CPNE5: variants seen among roughly 807,000 people sequenced by gnomAD.
CPNE5 encodes the protein copine-5.
A neutral mutation model predicts 81.1 loss-of-function variants in CPNE5; 42 were observed. The observed-to-expected ratio is 0.52, with a 90% CI of 0.40 to 0.67. The LOEUF is 0.67. CPNE5 is among the 30% of genes least tolerant of loss of function. CPNE5 has a pLI of 0.00. For missense variants in CPNE5, 612 were observed against 815.5 expected (o/e 0.75, Z 3.04); for synonymous variants, 313 against 321.5 (o/e 0.97, Z 0.28).
chr6:36,774,128 A>C (rs1167432378), intron 10 of CPNE5, among the ~76,000 whole-genome samples: 1 of 151,576 alleles, frequency 6.6e-6, no homozygotes, highest in Non-Finnish European at 1.5e-5. Flanking sequence ...TCACACCTGT[A>C]ATCCCAGCAC....
At position 36,746,684 on chromosome 6, in the gene CPNE5, C is replaced by A; in HGVS notation, c.1019-107G>T. ...AGGGCACCCCTAACTTTTATTAATT[C>A]TTGACTCCTCTCTTTCTCTCATACC... On this transcript the variant is annotated intron_variant, in intron 15 of 20. Transcript: ENST00000244751. This position sits in a 1 kb window ranked among gnomAD's most constrained non-coding sequence, Gnocchi z 4.5. 3.2e-6 allele frequency: 3 copies of A among 926,284 alleles called. No individual in the cohort carries two copies. Among genetic ancestry groups the A allele is most frequent in the Non-Finnish European group, 4.9e-6 (3 of 613,328 alleles). 57.4% of individuals were successfully genotyped at this position (926,284 alleles called of 1,614,324 possible). A position where few individuals can be genotyped will look rare whatever the true frequency, so the allele number is the denominator to read the frequency against.
Position 36,742,182 on chromosome 6 carries a change from AG to A in CPNE5, c.*85del, listed in dbSNP as rs1763626434. 2.7e-6 allele frequency: 3 copies of A among 1,091,092 alleles called. No individual in the cohort carries two copies. The East Asian group carries it at 7.4e-5, about 27-fold the overall frequency. The allele number at this position is 1,091,092 out of a possible 1,614,324, so 67.6% of individuals were successfully genotyped here. A position where few individuals can be genotyped will look rare whatever the true frequency, so the allele number is the denominator to read the frequency against. The stretch of plus-strand genomic sequence containing the variant: ...CACACAGATGTCCCAAAGGCCGGGC[AG>A]GCCAACTTCGGGGAGTCTGGGGCCC... On this transcript the variant is annotated 3_prime_UTR_variant, in exon 21 of 21. Coordinates refer to ENST00000244751, the MANE Select transcript of CPNE5 (RefSeq NM_020939.2).
intron 3 of CPNE5, among the ~76,000 whole-genome samples, chr6:36,817,053 C>G (rs1003224433): frequency 4.6e-5 from 7 of 152,224 alleles, no homozygotes; most frequent in Non-Finnish European, 7.3e-5. Context: ...AGGCCGGGTG[C>G]AGTGGCTCAC....
At chr6:36,783,921 G>C (rs1446246906) in intron 8 of CPNE5, among the ~76,000 whole-genome samples, 1 of 152,182 alleles carries the variant, frequency 6.6e-6, no homozygotes, top group Non-Finnish European at 1.5e-5. Context: ...AGACAGTCTG[G>C]CTCCAAAGAT....
intron 10 of CPNE5, among the ~76,000 whole-genome samples, chr6:36,769,721 C>T (rs1472228071): frequency 1.3e-5 from 2 of 152,158 alleles, no homozygotes; most frequent in Non-Finnish European, 2.9e-5. Flanking sequence ...CCGCGGTGAC[C>T]GTGCCTCCCG....
At chr6:36,834,530 C>G (rs951289201) in intron 1 of CPNE5, among the ~76,000 whole-genome samples, 4 of 151,766 alleles carry the variant, frequency 2.6e-5, no homozygotes, top group Non-Finnish European at 4.4e-5. Context: ...ATGGTGCATG[C>G]CTGTAATCTC....
intron 6 of CPNE5, 45 bp from the exon 7 acceptor site, chr6:36,794,694 C>T: frequency 1.3e-6 from 2 of 1,575,398 alleles, no homozygotes; most frequent in Non-Finnish European, 1.7e-6. Flanking sequence ...GAGCTGAGTA[C>T]CCCCACCCAG....
intron 8 of CPNE5, among the ~76,000 whole-genome samples, chr6:36,783,850 A>G (rs1768277885): frequency 6.6e-6 from 1 of 152,218 alleles, no homozygotes. Flanking sequence ...ACCAAAGCAC[A>G]GAGAGGTTAA....
At chr6:36,836,895 C>A (rs1211607431) in intron 1 of CPNE5, among the ~76,000 whole-genome samples, 1 of 152,186 alleles carries the variant, frequency 6.6e-6, no homozygotes, top group African/African-American at 2.4e-5. Flanking sequence ...TCTCTCCCCA[C>A]CAAAACCCAC....
chr6:36,746,467 T>C lies in CPNE5; in HGVS notation c.1129A>G (p.Lys377Glu). The change falls in exon 16 of 21, where the codon AAG (lysine) becomes GAG (glutamate). Residue 377 changes from lysine (K) to glutamate (E), a missense_variant. Transcript: ENST00000244751. This position sits in a 1 kb window ranked among gnomAD's most constrained non-coding sequence, Gnocchi z 4.5. The stretch of plus-strand genomic sequence containing the variant: ...CCGAAGCCCAGGGCAGGGAACATCT[T>C]GTCACTGTCGTAGTGCTGGATGATC... ...GEIIQHYDSDKMFPALGFGAK... is the reference protein window; with the variant it reads ...GEIIQHYDSDEMFPALGFGAK... The C allele has an allele frequency of 6.2e-7, 1 of 1,613,620 alleles. No individual in the cohort carries two copies.
rs543737557 is a variant in CPNE5, at chr6:36,827,758, C to A, written c.96-4660G>T. On this transcript the variant is annotated intron_variant, in intron 1 of 20. Transcript: ENST00000244751. ...GGGGGAGGAAACCGGGTCTTCCGCC[C>A]TGACGAAGGGCCCGAGACACCAGGG... The A allele has an allele frequency of 5.1e-6, 5 of 985,440 alleles. No individual in the cohort carries two copies. The South Asian group carries it at 2.3e-4, about 46-fold the overall frequency. 61.0% of individuals were successfully genotyped at this position (985,440 alleles called of 1,614,324 possible). A position where few individuals can be genotyped will look rare whatever the true frequency, so the allele number is the denominator to read the frequency against.
At position 36,746,511 on chromosome 6, in the gene CPNE5, G is replaced by C; in HGVS notation, c.1085C>G (p.Ala362Gly). 1.2e-6 allele frequency: 2 copies of C among 1,613,792 alleles called. No individual in the cohort carries two copies. The highest frequency in any genetic ancestry group is 1.7e-6 in the Non-Finnish European group (2 of 1,179,788). ...SPYQLNAYAL[A>G]LTAVGEIIQH... ...GATGATCTCTCCGACGGCAGTCAGCGCCAGCGCGTAGGCGTTCAGCTGGTA... is the reference window on the plus strand; with the variant it reads ...GATGATCTCTCCGACGGCAGTCAGCCCCAGCGCGTAGGCGTTCAGCTGGTA... Residue 362 changes from alanine to glycine, a missense_variant, in exon 16 of 21, where the codon GCG becomes GGG. Transcript: ENST00000244751. The surrounding 1 kb of genome is among the most constrained non-coding windows in gnomAD (Gnocchi z 4.5).
intron 4 of CPNE5, among the ~76,000 whole-genome samples, chr6:36,799,353 C>T (rs749211734): frequency 6.6e-6 from 1 of 152,166 alleles, no homozygotes; most frequent in Non-Finnish European, 1.5e-5. Flanking sequence ...GATCCCAAAC[C>T]CCCTTCTTTC....
At chr6:36,810,459 GCCAGAAAGCTA>G (rs1044283608) in intron 3 of CPNE5, among the ~76,000 whole-genome samples, 18 of 152,184 alleles carry the variant, frequency 1.2e-4, no homozygotes, top group African/African-American at 4.3e-4. Context: ...AAAATTAGAG[GCCAGAAAGCTA>G]CCTGACTCAA....
intron 8 of CPNE5, among the ~76,000 whole-genome samples, chr6:36,785,309 G>A (rs1261733275): frequency 6.6e-6 from 1 of 152,158 alleles, no homozygotes; most frequent in Non-Finnish European, 1.5e-5. Context: ...TTCAGAACAA[G>A]TATGAGGTGT....
At chr6:36,794,526 G>GC in intron 7 of CPNE5, 64 bp downstream of exon 7, 2 of 1,467,508 alleles carry the variant, frequency 1.4e-6, no homozygotes, top group South Asian at 1.1e-5. Flanking sequence ...AGACTCTGAG[G>GC]CCCCCTTTGC....
intron 14 of CPNE5, among the ~76,000 whole-genome samples, chr6:36,750,910 C>T (rs1764742484): frequency 6.6e-6 from 1 of 152,248 alleles, no homozygotes. Flanking sequence ...AATTGGAAAG[C>T]AGATCCTCTT....
chr6:36,798,387 C>T (rs949398696), intron 5 of CPNE5, 68 bp downstream of exon 5: 128 of 1,562,538 alleles, frequency 8.2e-5, no homozygotes, highest in Non-Finnish European at 1.1e-4. Flanking sequence ...CAGCAAAGCC[C>T]CAGGCTCACC....
chr6:36,792,594 C>T lies in CPNE5; in HGVS notation c.465-498G>A, dbSNP rs1372341705. ...CTGGTGGGCCCTCGCTGGCAGCTTG[C>T]CCAGGCTCCTTCCCATGGCTACCTC... On this transcript the variant is annotated intron_variant, in intron 7 of 20. Transcript: ENST00000244751. The T allele has an allele frequency of 1.2e-5, 5 of 428,982 alleles. No individual in the cohort carries two copies. In the East Asian group the frequency reaches 2.1e-4, roughly 18 times the overall value. 26.6% of individuals were successfully genotyped at this position (428,982 alleles called of 1,614,324 possible). A position where few individuals can be genotyped will look rare whatever the true frequency, so the allele number is the denominator to read the frequency against.
Sources: gnomAD v4.1 joint callset for allele counts (sites outside exome capture counted in the v4.1 genomes callset) on GRCh38, gnomAD v4.1.1 for gene constraint, Gnocchi (gnomAD v3.1) non-coding constraint, MANE v1.5 for transcripts, NCBI Gene and HGNC (gene_info 2026-07-23, HGNC 2026-07-21) for gene names.